The following HELB variants were observed in gnomAD, a reference collection of about 807,000 sequenced individuals.
The protein encoded by HELB is DNA helicase B, also known as DNA 5'-3' helicase B.
A neutral mutation model predicts 101.7 loss-of-function variants in HELB; 96 were observed. That is an observed-to-expected ratio of 0.94 (90% CI 0.80 to 1.12). The LOEUF (loss-of-function observed/expected upper bound fraction) is 1.12. Ranked by LOEUF, HELB falls within the 50% of genes most tolerant of loss-of-function variation. The pLI is 0.00. For synonymous variants in HELB, 437 were observed against 459.7 expected (o/e 0.95, Z 0.63); for missense variants, 1,210 against 1,291.9 (o/e 0.94, Z 0.97).
Position 66,331,458 on chromosome 12 carries a change from A to G in HELB, c.2975A>G (p.His992Arg). Reference sequence around the variant, plus strand: ...TCTCCACTCCCTGTAGTCACAGACCACGCCATGACAAATGATGTCACCTGG... The same window carrying G: ...TCTCCACTCCCTGTAGTCACAGACCGCGCCATGACAAATGATGTCACCTGG... ...SASPLPVVTD[H>R]AMTNDVTWSE... The change falls in exon 12 of 13, where the codon CAC (histidine) becomes CGC (arginine). Residue 992 changes from histidine to arginine, a missense_variant. By Grantham distance (29) the His-to-Arg change is conservative. Coordinates refer to ENST00000247815, the MANE Select transcript of HELB (RefSeq NM_001370285.1). The G allele has an allele frequency of 6.2e-7, 1 of 1,614,216 alleles. No individual in the cohort carries two copies.
Position 66,306,415 on chromosome 12 carries a change from T to C in HELB, c.678T>C (p.Pro226=). 1 of 1,610,310 alleles carries C rather than the reference T, an allele frequency of 6.2e-7. No homozygotes were observed. The highest frequency in any genetic ancestry group is 8.5e-7 in the Non-Finnish European group (1 of 1,178,144). ...TGGAATTCCTTCCAGTTCTTCTGCCTCGACACTTTAAATGGATCATAGGGT... is the reference window on the plus strand; with the variant it reads ...TGGAATTCCTTCCAGTTCTTCTGCCCCGACACTTTAAATGGATCATAGGGT... The part of the protein sequence containing the change: ...KIMEFLPVLL[P]RHFKWIIGSG... The change falls in exon 3 of 13, where the codon CCT becomes CCC. Residue 226 remains proline, a synonymous_variant. Transcript: ENST00000247815.
intron 5 of HELB, 33 bp from the exon 6 acceptor site, chr12:66,315,209 T>G (rs759398411): frequency 1.4e-6 from 2 of 1,479,138 alleles, no homozygotes; most frequent in Admixed American, 2.3e-5. Flanking sequence ...TTTCTCAGAG[T>G]AAGTCTTGCT....
Position 66,316,471 on chromosome 12 carries a change from G to T in HELB, c.2000+1088G>T, listed in dbSNP as rs914510689. Among the ~76,000 whole-genome samples, 4 of 152,036 alleles carry T rather than the reference G, an allele frequency of 2.6e-5. No homozygotes were observed. In the South Asian group the frequency reaches 8.3e-4, roughly 32 times the overall value. ...GTAGGATGTAGCAGAAACTAGAAGG[G>T]TGTCCAGTCTTTTGGCTTCCCTGGG... On this transcript the variant is annotated intron_variant, in intron 6 of 12. Transcript: ENST00000247815.
chr12:66,318,600 A>T (rs1350284349), intron 6 of HELB, 38 bp from the exon 7 acceptor site: 1 of 1,555,822 alleles, frequency 6.4e-7, no homozygotes, highest in African/African-American at 1.4e-5. Flanking sequence ...TTTTTGGATG[A>T]TAATGTTCTT....
Position 66,331,150 on chromosome 12 carries a change from C to G in HELB, c.2671-4C>G, listed in dbSNP as rs1190784362. The G allele has an allele frequency of 6.3e-7, 1 of 1,590,638 alleles. No individual in the cohort carries two copies. Among genetic ancestry groups the G allele is most frequent in the Admixed American group, 1.8e-5 (1 of 56,652 alleles). On this transcript the variant is annotated splice_region_variant and splice_polypyrimidine_tract_variant and intron_variant, in intron 11 of 12. Transcript: ENST00000247815. ...TAGTCTTCACACCATATTTTTCCTG[C>G]CAGGGGTCCGAGGAGCAAACAGTTG... is the stretch of plus-strand genomic sequence containing the variant.
intron 6 of HELB, 120 bp downstream of exon 6, chr12:66,315,503 A>G (rs1314580972): frequency 3.3e-6 from 2 of 615,334 alleles, no homozygotes; most frequent in Non-Finnish European, 4.9e-6. Flanking sequence ...AAACTCTTCC[A>G]TCCTTCAACT....
chr12:66,313,963 G>A (rs768889407), intron 4 of HELB, 23 bp from the exon 5 acceptor site: 6 of 1,608,488 alleles, frequency 3.7e-6, no homozygotes, highest in Non-Finnish European at 5.1e-6. Flanking sequence ...CCTGACTTTA[G>A]GAATGCCATA....
In HELB at chr12:66,318,772, C is replaced by A. The variant is rs765696065; in HGVS notation, c.2135C>A (p.Ser712Tyr). Reference sequence around the variant, plus strand: ...GAAGAGGATGCCAGTTCTCAGTCATCTAAAACTAATCATCACTCTTGTAAG... The same window carrying A: ...GAAGAGGATGCCAGTTCTCAGTCATATAAAACTAATCATCACTCTTGTAAG... Reference protein sequence around the residue: ...LPEEDASSQSSKTNHHSCLYS... With the variant: ...LPEEDASSQSYKTNHHSCLYS... The change falls in exon 7 of 13, where the codon TCT becomes TAT. Residue 712 changes from serine (S) to tyrosine (Y), a missense_variant. Around this residue, in one of 2 missense-constraint regions of HELB, gnomAD observed 740 missense variants for 728.8 expected, o/e 1.02. Transcript: ENST00000247815. The A allele has an allele frequency of 1.6e-5, 25 of 1,606,938 alleles. No individual in the cohort carries two copies. Among genetic ancestry groups the A allele is most frequent in the Non-Finnish European group, 2.1e-5 (25 of 1,177,962 alleles).
chr12:66,321,676 A>G, intron 7 of HELB: 1 of 337,762 alleles, frequency 3.0e-6, no homozygotes, highest in East Asian at 7.9e-5. Context: ...CAGCAAATAC[A>G]CAGTGAGTCT....
intron 4 of HELB, among the ~76,000 whole-genome samples, chr12:66,311,766 A>T (rs2053547819): frequency 6.6e-6 from 1 of 152,194 alleles, no homozygotes; most frequent in Non-Finnish European, 1.5e-5. Flanking sequence ...TATTGGCTAT[A>T]ATTAAGAATC....
At chr12:66,315,740 C>T (rs1005212427) in intron 6 of HELB, among the ~76,000 whole-genome samples, 11 of 152,112 alleles carry the variant, frequency 7.2e-5, no homozygotes, top group African/African-American at 2.2e-4. Context: ...GAAATATCCC[C>T]TAATTTTTGT....
At chr12:66,318,059 G>C (rs1463950689) in intron 6 of HELB, among the ~76,000 whole-genome samples, 1 of 152,212 alleles carries the variant, frequency 6.6e-6, no homozygotes, top group Non-Finnish European at 1.5e-5. Flanking sequence ...GTGGATACTT[G>C]GTTCAGTTGG....
At position 66,309,862 on chromosome 12, in the gene HELB, T is replaced by C. The variant is rs372901585; in HGVS notation, c.934T>C (p.Tyr312His). The C allele has an allele frequency of 1.2e-6, 2 of 1,614,142 alleles. No homozygotes were observed. Among genetic ancestry groups the C allele is most frequent in the Non-Finnish European group, 1.7e-6 (2 of 1,179,996 alleles). ...KQICREDGHTYVEVNDLTLTL... is the reference protein window; with the variant it reads ...KQICREDGHTHVEVNDLTLTL... ...GATATGTAGAGAAGATGGGCACACA[T>C]ATGTTGAAGTGAATGACTTAACTTT... The change falls in exon 4 of 13, where the codon TAT (tyrosine) becomes CAT (histidine). Residue 312 changes from tyrosine (Y) to histidine (H), a missense_variant. Physicochemically the swap from Tyr to His is moderately conservative, Grantham distance 83. Transcript: ENST00000247815.
Position 66,324,086 on chromosome 12 carries a change from C to G in HELB, c.2401C>G (p.Gln801Glu). 6.2e-7 allele frequency: 1 copy of G among 1,613,456 alleles called. No homozygotes were observed. Among genetic ancestry groups the G allele is most frequent in the Non-Finnish European group, 8.5e-7 (1 of 1,179,602 alleles). Residue 801 changes from glutamine (Q) to glutamate (E), a missense_variant, in exon 10 of 13, where the codon CAA (glutamine) becomes GAA (glutamate). Physicochemically the swap from Gln to Glu is conservative, Grantham distance 29 (BLOSUM62 2). Transcript: ENST00000247815. ...LLPENISGSQ[Q>E]NNDLDASSED... Reference sequence around the variant, plus strand: ...ACCTGAAAATATCTCTGGAAGTCAGCAAAATAATGATCTAGATGCCAGTAG... The same window carrying G: ...ACCTGAAAATATCTCTGGAAGTCAGGAAAATAATGATCTAGATGCCAGTAG...
chr12:66,304,790 A>G lies in HELB; in HGVS notation c.247A>G (p.Thr83Ala). ...TAAAGTGTTTGGACGTTTTCCGATA[A>G]CAGGTGCTTGGTGGAGAGTGAAGGT... is the stretch of plus-strand genomic sequence containing the variant. Reference protein sequence around the residue: ...TCKVFGRFPITGAWWRVKVQV... With the variant: ...TCKVFGRFPIAGAWWRVKVQV... The change falls in exon 2 of 13, where the codon ACA becomes GCA. Residue 83 changes from threonine to alanine, a missense_variant. Thr to Ala is a moderately conservative substitution (Grantham distance 58). Around this residue, in one of 2 missense-constraint regions of HELB, gnomAD observed 470 missense variants for 563.1 expected, o/e 0.83. Transcript: ENST00000247815. The G allele has an allele frequency of 6.2e-7, 1 of 1,614,072 alleles. No individual in the cohort carries two copies. Among genetic ancestry groups the G allele is most frequent in the East Asian group, 2.2e-5 (1 of 44,874 alleles).
Position 66,318,770 on chromosome 12 carries a change from A to G in HELB, c.2133A>G (p.Ser711=), listed in dbSNP as rs781337725. The G allele has an allele frequency of 1.2e-6, 2 of 1,607,370 alleles. No individual in the cohort carries two copies. Among genetic ancestry groups the G allele is most frequent in the Non-Finnish European group, 1.7e-6 (2 of 1,178,108 alleles). Residue 711 remains serine, a synonymous_variant, in exon 7 of 13, where the codon TCA becomes TCG. Transcript: ENST00000247815. ...CAGAAGAGGATGCCAGTTCTCAGTC[A>G]TCTAAAACTAATCATCACTCTTGTA... ...RLPEEDASSQ[S]SKTNHHSCLY...
In HELB at chr12:66,304,729, A is replaced by G. The variant is rs775158645; in HGVS notation, c.188-2A>G. 2 of 1,566,992 alleles carry G rather than the reference A, an allele frequency of 1.3e-6. 1 individual carries two copies. Among genetic ancestry groups the G allele is most frequent in the South Asian group, 2.4e-5 (2 of 84,378 alleles). ...TGTGGGTTTTTGTTTGTTTTTTTTT[A>G]GTTTCTATTTGTGATGAAAACACAC... On this transcript the variant is annotated splice_acceptor_variant, in intron 1 of 12. Coordinates refer to ENST00000247815, the MANE Select transcript of HELB (RefSeq NM_001370285.1). LOFTEE classifies it high-confidence loss of function.
chr12:66,315,191 G>A (rs772678493), intron 5 of HELB, 51 bp from the exon 6 acceptor site: 17 of 1,342,228 alleles, frequency 1.3e-5, no homozygotes, highest in Non-Finnish European at 1.7e-5. Context: ...ACAATCTTGG[G>A]GGTATTTTTT....
At chr12:66,303,078 G>T (rs1474455796) in intron 1 of HELB, among the ~76,000 whole-genome samples, 1 of 144,240 alleles carries the variant, frequency 6.9e-6, no homozygotes, top group South Asian at 2.2e-4. Flanking sequence ...GGACCCGAGC[G>T]GGTTGCCCTT....
Sources: gnomAD v4.1 joint callset for allele counts (sites outside exome capture counted in the v4.1 genomes callset) on GRCh38, gnomAD v4.1.1 for gene constraint, gnomAD v4.1.1 regional missense constraint, MANE v1.5 for transcripts, NCBI Gene and HGNC (gene_info 2026-07-23, HGNC 2026-07-21) for gene names.